CLN8: variants seen among roughly 807,000 people sequenced by gnomAD.
CLN8 encodes the protein CLN8 transmembrane ER and ERGIC protein.
A neutral mutation model predicts 15.7 loss-of-function variants in CLN8; 14 were observed. The observed-to-expected ratio is 0.89, with a 90% CI of 0.59 to 1.39. CLN8 has a LOEUF of 1.39. Among genes scored for constraint, CLN8 ranks in the 40% most tolerant of loss-of-function variants. CLN8 has a pLI of 0.00. For synonymous variants in CLN8, 188 were observed against 151.0 expected, an observed-to-expected ratio of 1.25 and a Z score of -1.80; for missense variants, 415 against 364.0, an observed-to-expected ratio of 1.14 and a Z score of -1.14.
chr8:1,770,993 GAC>G lies in CLN8; in HGVS notation c.-58_-57del. ...GCACTGACTTCATTTCCTTAGACAA[GAC>G]ACAGTGTAGGGCCCGGCCCGTGTTG... On this transcript the variant is annotated 5_prime_UTR_variant, in exon 2 of 3. Transcript: ENST00000331222. 4.6e-6 allele frequency: 7 copies of G among 1,515,982 alleles called. No homozygotes were observed. Among genetic ancestry groups the G allele is most frequent in the Non-Finnish European group, 6.4e-6 (7 of 1,094,396 alleles). 93.9% of individuals were successfully genotyped at this position (1,515,982 alleles called of 1,614,324 possible). A position where few individuals can be genotyped will look rare whatever the true frequency, so the allele number is the denominator to read the frequency against.
chr8:1,780,595 A>G lies in CLN8; in HGVS notation c.*28A>G. The G allele has an allele frequency of 6.2e-7, 1 of 1,608,842 alleles. No individual in the cohort carries two copies. The highest frequency in any genetic ancestry group is 1.7e-4 in the Middle Eastern group (1 of 5,828). On this transcript the variant is annotated 3_prime_UTR_variant, in exon 3 of 3. Coordinates refer to ENST00000331222, the MANE Select transcript of CLN8 (RefSeq NM_018941.4). Reference sequence around the variant, plus strand: ...GCTCCAGCCGGGGCTCCGGGGCGGCAGCAGAGCTGGCACACCGATTCTGGG... The same window carrying G: ...GCTCCAGCCGGGGCTCCGGGGCGGCGGCAGAGCTGGCACACCGATTCTGGG...
intron 1 of CLN8, among the ~76,000 whole-genome samples, chr8:1,757,238 C>T (rs551244664): frequency 8.5e-5 from 13 of 152,286 alleles, no homozygotes; most frequent in South Asian, 4.1e-4. Flanking sequence ...TGGGCATTGT[C>T]GGAAGCCTGG....
At chr8:1,760,748 C>T (rs563906068), upstream of CLN8, among the ~76,000 whole-genome samples, 35 of 152,268 alleles carry the variant, frequency 2.3e-4, no homozygotes, top group South Asian at 4.1e-3. Context: ...AGAGAGTTCT[C>T]GGATCTTGCG....
At position 1,771,167 on chromosome 8, in the gene CLN8, T is replaced by A; in HGVS notation, c.113T>A (p.Val38Asp). 6.2e-7 allele frequency: 1 copy of A among 1,613,998 alleles called. No homozygotes were observed. The highest frequency in any genetic ancestry group is 8.5e-7 in the Non-Finnish European group (1 of 1,180,016). ...GCTGGCTTTGTCTTCTACTTGGGCG[T>A]CTTTGTGGTCTGCCACCAGCTGTCC... ...MVAGFVFYLG[V>D]FVVCHQLSSS... is the part of the protein sequence containing the mutation. Residue 38 changes from valine to aspartate, a missense_variant, in exon 2 of 3, where the codon GTC (valine) becomes GAC (aspartate). Val to Asp is a radical substitution (Grantham distance 152, BLOSUM62 -3). Coordinates refer to ENST00000331222, the MANE Select transcript of CLN8 (RefSeq NM_018941.4).
chr8:1,753,148 G>A (rs944766728), upstream of CLN8, among the ~76,000 whole-genome samples: 1 of 152,166 alleles, frequency 6.6e-6, no homozygotes, highest in Admixed American at 6.5e-5. Context: ...TACATAAGTT[G>A]GGAGGTTGGT....
Position 1,771,409 on chromosome 8 carries a change from G to A in CLN8, c.355G>A (p.Val119Ile), listed in dbSNP as rs1409015468. The A allele has an allele frequency of 2.5e-6, 4 of 1,614,084 alleles. No homozygotes were observed. The highest frequency in any genetic ancestry group is 2.5e-6 in the Non-Finnish European group (3 of 1,180,044). ...TATGFFCFEN[V>I]AVHLSNLIFR... The stretch of plus-strand genomic sequence containing the variant: ...AACGGGATTCTTTTGCTTTGAAAAT[G>A]TTGCAGTCCACCTGTCCAACTTGAT... Residue 119 changes from valine to isoleucine, a missense_variant, in exon 2 of 3, where the codon GTT (valine) becomes ATT (isoleucine). Physicochemically the swap from Val to Ile is conservative, Grantham distance 29 (BLOSUM62 3). Transcript: ENST00000331222.
At chr8:1,768,280 A>C (rs927239178) in intron 1 of CLN8, among the ~76,000 whole-genome samples, 3 of 152,166 alleles carry the variant, frequency 2.0e-5, no homozygotes, top group African/African-American at 7.2e-5. Context: ...TAGTGAAATC[A>C]AGATCAGAGC....
chr8:1,764,612 AGTCAGAACCT>A (rs1800969933), intron 1 of CLN8: 1 of 152,946 alleles, frequency 6.5e-6, no homozygotes, highest in Non-Finnish European at 1.5e-5. Context: ...ACGCTGGGTC[AGTCAGAACCT>A]GTAGGAGCGG....
chr8:1,770,058 TCTG>T (rs1377433533), intron 1 of CLN8, among the ~76,000 whole-genome samples: 1 of 152,222 alleles, frequency 6.6e-6, no homozygotes, highest in African/African-American at 2.4e-5. Flanking sequence ...GCACTGAACT[TCTG>T]CTGTTTGATC....
chr8:1,776,991 T>A (rs1303612985), intron 2 of CLN8, among the ~76,000 whole-genome samples: 2 of 152,236 alleles, frequency 1.3e-5, no homozygotes, highest in African/African-American at 4.8e-5. Flanking sequence ...TACCGTTCCA[T>A]GTACAGTCAT....
At chr8:1,757,746 G>C (rs902296008) in intron 1 of CLN8, among the ~76,000 whole-genome samples, 1 of 152,128 alleles carries the variant, frequency 6.6e-6, no homozygotes, top group Non-Finnish European at 1.5e-5. Context: ...TTTAAAGGCT[G>C]GTTGTTATGG....
At chr8:1,765,916 C>T (rs1801034146) in intron 1 of CLN8, among the ~76,000 whole-genome samples, 1 of 152,204 alleles carries the variant, frequency 6.6e-6, no homozygotes, top group African/African-American at 2.4e-5. Flanking sequence ...AAAAAGCATG[C>T]AACCTTTTTT....
In CLN8 at chr8:1,780,317, G is replaced by C; in HGVS notation, c.611G>C (p.Arg204Pro). The C allele has an allele frequency of 6.2e-7, 1 of 1,614,238 alleles. No individual in the cohort carries two copies. The highest frequency in any genetic ancestry group is 1.1e-5 in the South Asian group (1 of 91,088). ...CTGATGATTCACATGTTTCACTGCC[G>C]CATGGTTCTAACCTACCACATGTGG... is the stretch of plus-strand genomic sequence containing the variant. ...QWLMIHMFHC[R>P]MVLTYHMWWV... Residue 204 changes from arginine to proline, a missense_variant, in exon 3 of 3, where the codon CGC becomes CCC. Physicochemically the swap from Arg to Pro is moderately radical, Grantham distance 103. Coordinates refer to ENST00000331222, the MANE Select transcript of CLN8 (RefSeq NM_018941.4).
At position 1,767,851 on chromosome 8, in the gene CLN8, G is replaced by C. The variant is rs538360325; in HGVS notation, c.-123-3081G>C. ...ATCCCAAAGTGCTGGGATTACAGGC[G>C]TGCGCCACTGCACTCGGCCTGCTCT... On this transcript the variant is annotated intron_variant, in intron 1 of 2. Transcript: ENST00000331222. 7.2e-5 allele frequency among the ~76,000 whole-genome samples: 11 copies of C among 152,114 alleles called. No individual in the cohort carries two copies. In the South Asian group the frequency reaches 1.5e-3, roughly 20 times the overall value.
chr8:1,754,782 T>C (rs1800629466), upstream of CLN8, among the ~76,000 whole-genome samples: 1 of 152,176 alleles, frequency 6.6e-6, no homozygotes, highest in Non-Finnish European at 1.5e-5. Flanking sequence ...GAGGATGCAA[T>C]GAGCTGGGGA....
chr8:1,771,581 C>T lies in CLN8; in HGVS notation c.527C>T (p.Ser176Phe), dbSNP rs794727299. 1.9e-6 allele frequency: 3 copies of T among 1,613,916 alleles called. No homozygotes were observed. Among genetic ancestry groups the T allele is most frequent in the Admixed American group, 1.7e-5 (1 of 59,998 alleles). The change falls in exon 2 of 3, where the codon TCC becomes TTC. Residue 176 changes from serine to phenylalanine, a missense_variant. By Grantham distance (155) the Ser-to-Phe change is radical. Transcript: ENST00000331222. ...LEMSTPFTCVSWMLLKAGWSE... is the reference protein window; with the variant it reads ...LEMSTPFTCVFWMLLKAGWSE... ...ATGAGCACGCCCTTTACCTGCGTTT[C>T]CTGGATGCTCTTAAAGGTAAGTGCA...
intron 1 of CLN8, chr8:1,764,687 G>C (rs1800975895): frequency 6.5e-6 from 1 of 153,222 alleles, no homozygotes; most frequent in Non-Finnish European, 1.5e-5. Context: ...CGGGCGCTGG[G>C]TCAGGTCAGC....
At chr8:1,753,569 CAAAAA>C (rs71190758), upstream of CLN8, among the ~76,000 whole-genome samples, 15 of 102,622 alleles carry the variant, frequency 1.5e-4, no homozygotes, top group African/African-American at 3.5e-4. Context: ...GAAACTGTTT[CAAAAA>C]AAAAAAAAAA....
Position 1,771,041 on chromosome 8 carries a change from T to A in CLN8, c.-14T>A. ...TGTTGGCCCCAGGACTCCTTTGGAATATAGCTGTGGACAATGAATCCTGCG... is the reference window on the plus strand; with the variant it reads ...TGTTGGCCCCAGGACTCCTTTGGAAAATAGCTGTGGACAATGAATCCTGCG... On this transcript the variant is annotated 5_prime_UTR_variant, in exon 2 of 3. Coordinates refer to ENST00000331222, the MANE Select transcript of CLN8 (RefSeq NM_018941.4). 6.2e-7 allele frequency: 1 copy of A among 1,613,826 alleles called. No individual in the cohort carries two copies. The highest frequency in any genetic ancestry group is 8.5e-7 in the Non-Finnish European group (1 of 1,179,936).
Sources: allele counts gnomAD v4.1 joint callset (sites outside exome capture counted in the v4.1 genomes callset), GRCh38; gene constraint gnomAD v4.1.1; transcripts MANE v1.5; gene names NCBI Gene and HGNC (gene_info 2026-07-23, HGNC 2026-07-21).